PVT1: variants seen among roughly 807,000 people sequenced by gnomAD.
PVT1 encodes the protein Pvt1 oncogene, also known as CXCR4/PVT1 fusion.
intron 4 of PVT1, among the ~76,000 whole-genome samples, chr8:128,027,063 C>T (rs1046270975): frequency 2.0e-5 from 3 of 152,176 alleles, no homozygotes; most frequent in Non-Finnish European, 4.4e-5. Context: ...TCCCCTGCTT[C>T]CATTTATGTG....
chr8:128,078,876 C>G (rs558803501), intron 5 of PVT1, among the ~76,000 whole-genome samples: 24 of 152,290 alleles, frequency 1.6e-4, no homozygotes, highest in African/African-American at 5.1e-4. Flanking sequence ...GCCTCGACGT[C>G]CTGGGCTCAA....
chr8:128,030,053 C>T (rs1586488668), intron 4 of PVT1, among the ~76,000 whole-genome samples: 2 of 152,174 alleles, frequency 1.3e-5, no homozygotes, highest in South Asian at 4.2e-4. Context: ...TTAGAGGCTG[C>T]GGTGAGTTGT....
chr8:127,854,006 C>G (rs73710037), intron 2 of PVT1, among the ~76,000 whole-genome samples: 18,936 of 152,176 alleles, frequency 0.12, 1,455 homozygotes, highest in Admixed American at 0.23. Context: ...GCCCCCAGCC[C>G]CACGTGCCAA....
intron 2 of PVT1, among the ~76,000 whole-genome samples, chr8:127,809,056 G>GAAAAAAAAAAA (rs1814561989): frequency 1.2e-5 from 1 of 86,568 alleles, no homozygotes; most frequent in Non-Finnish European, 2.4e-5. Context: ...AAAAAAAAAA[G>GAAAAAAAAAAA]AAAGAAAAAA....
At chr8:128,095,527 T>C (rs1409986290) in intron 5 of PVT1, among the ~76,000 whole-genome samples, 1 of 152,246 alleles carries the variant, frequency 6.6e-6, no homozygotes, top group Non-Finnish European at 1.5e-5. Flanking sequence ...TGGCACACTA[T>C]GGCCCACAGC....
At chr8:127,808,378 G>A (rs1814552124) in intron 2 of PVT1, among the ~76,000 whole-genome samples, 1 of 152,144 alleles carries the variant, frequency 6.6e-6, no homozygotes, top group Admixed American at 6.6e-5. Context: ...AAACAGTTTA[G>A]GGAAGGGATA....
At chr8:127,841,891 A>T (rs1814978857) in intron 2 of PVT1, among the ~76,000 whole-genome samples, 1 of 151,730 alleles carries the variant, frequency 6.6e-6, no homozygotes. Context: ...ACCCCCAGCT[A>T]ATTTCTGTCT....
chr8:127,978,349 A>G (rs570473613), intron 3 of PVT1, among the ~76,000 whole-genome samples: 4 of 152,026 alleles, frequency 2.6e-5, no homozygotes, highest in South Asian at 2.1e-4. Context: ...TTGTAGAGAC[A>G]GTATCTCACT....
intron 5 of PVT1, among the ~76,000 whole-genome samples, chr8:128,083,586 A>G (rs575107275): frequency 6.6e-6 from 1 of 152,274 alleles, no homozygotes; most frequent in Non-Finnish European, 1.5e-5. Context: ...AAACTTGCCC[A>G]TGCAAATGGG....
At chr8:127,923,211 G>A (rs1816083970) in intron 3 of PVT1, among the ~76,000 whole-genome samples, 1 of 152,214 alleles carries the variant, frequency 6.6e-6, no homozygotes, top group Non-Finnish European at 1.5e-5. Context: ...AGTCACCGTT[G>A]AGTTCATCAT....
rs77385764 is a variant in PVT1, at chr8:128,088,085, A to G, written n.1115-8433A>G. Reference sequence around the variant, plus strand: ...CTACTTGTTTTTTTTCCCTCAAGACATAACAGTTAAATTCCCCAAACAAAA... The same window carrying G: ...CTACTTGTTTTTTTTCCCTCAAGACGTAACAGTTAAATTCCCCAAACAAAA... On this transcript the variant is annotated intron_variant and non_coding_transcript_variant, in intron 5 of 10. Transcript: ENST00000651587. Among the ~76,000 whole-genome samples, 425 of 152,130 alleles carry G rather than the reference A, an allele frequency of 2.8e-3. 14 individuals carry two copies. The East Asian group carries it at 0.067, about 24-fold the overall frequency.
At chr8:127,869,199 C>T (rs901958945) in intron 2 of PVT1, among the ~76,000 whole-genome samples, 6 of 151,966 alleles carry the variant, frequency 3.9e-5, no homozygotes, top group East Asian at 1.9e-4. Flanking sequence ...GGCATGAGTT[C>T]GGCTCACTGC....
chr8:128,094,854 C>A (rs1814406640), intron 5 of PVT1, among the ~76,000 whole-genome samples: 1 of 152,204 alleles, frequency 6.6e-6, no homozygotes, highest in African/African-American at 2.4e-5. Flanking sequence ...TCTCCACCTT[C>A]CTGCTCCAGA....
chr8:128,096,904 C>T (rs567461543), intron 6 of PVT1, among the ~76,000 whole-genome samples: 2 of 152,320 alleles, frequency 1.3e-5, no homozygotes, highest in South Asian at 4.1e-4. Context: ...TGAGAGCTCA[C>T]AGCAGGCTGT....
chr8:128,010,704 G>A (rs139867459), intron 4 of PVT1: 2 of 152,322 alleles, frequency 1.3e-5, no homozygotes, highest in African/African-American at 2.4e-5. Flanking sequence ...GCTATTATTT[G>A]TTGTTTTATA....
chr8:127,885,793 G>T (rs74504045), intron 2 of PVT1, among the ~76,000 whole-genome samples: 2 of 152,148 alleles, frequency 1.3e-5, no homozygotes, highest in Non-Finnish European at 2.9e-5. Flanking sequence ...AGTAAGAAAC[G>T]TAGTAAATTT....
At chr8:127,806,205 A>G (rs1393615825) in intron 2 of PVT1, among the ~76,000 whole-genome samples, 4 of 152,116 alleles carry the variant, frequency 2.6e-5, no homozygotes, top group Non-Finnish European at 5.9e-5. Context: ...GCTCATGCCT[A>G]TAATCCCAGC....
intron 6 of PVT1, among the ~76,000 whole-genome samples, chr8:128,098,652 T>A (rs1416389758): frequency 1.3e-5 from 2 of 152,358 alleles, no homozygotes; most frequent in South Asian, 2.1e-4. Flanking sequence ...GCGTGTCTTA[T>A]ATTAGAGATA....
At chr8:127,879,726 C>G (rs1815444255) in intron 2 of PVT1, among the ~76,000 whole-genome samples, 1 of 152,166 alleles carries the variant, frequency 6.6e-6, no homozygotes, top group African/African-American at 2.4e-5. Flanking sequence ...AGGAACACAA[C>G]CAATGCTCTC....
Sources: allele counts gnomAD v4.1 joint callset (sites outside exome capture counted in the v4.1 genomes callset), GRCh38; gene constraint gnomAD v4.1.1; transcripts MANE v1.5; gene names NCBI Gene and HGNC (gene_info 2026-07-23, HGNC 2026-07-21).